The following ARHGAP39 variants were observed in gnomAD, a reference collection of about 807,000 sequenced individuals.
The protein encoded by ARHGAP39 is Rho GTPase activating protein 39.
A neutral mutation model predicts 106.9 loss-of-function variants in ARHGAP39; 44 were observed. That is an observed-to-expected ratio of 0.41 (90% CI 0.32 to 0.53). ARHGAP39 has a LOEUF of 0.53. Among genes scored for constraint, ARHGAP39 ranks in the 20% least tolerant of loss-of-function variants. ARHGAP39 has a pLI of 0.21. For missense variants in ARHGAP39, 1,496 were observed against 1,577.3 expected, an observed-to-expected ratio of 0.95 and a Z score of 0.87; for synonymous variants, 768 against 693.2, an observed-to-expected ratio of 1.11 and a Z score of -1.69.
chr8:144,580,971 G>C lies in ARHGAP39; in HGVS notation c.387C>G (p.Ser129Arg). The change falls in exon 3 of 12, where the codon AGC becomes AGG. Residue 129 changes from serine to arginine, a missense_variant. By Grantham distance (110) the Ser-to-Arg change is moderately radical (BLOSUM62 -1). Coordinates refer to ENST00000377307, the MANE Select transcript of ARHGAP39 (RefSeq NM_025251.3). ...SAESSPGRGS[S>R]VSREGSTSSS... ...AGCTGGTGCTGCCCTCACGGCTGAC[G>C]CTGCTGCCGCGCCCGGGGCTGCTCT... The C allele has an allele frequency of 6.2e-7, 1 of 1,600,398 alleles. No homozygotes were observed.
chr8:144,577,858 A>G (rs1306810534), intron 3 of ARHGAP39, among the ~76,000 whole-genome samples: 1 of 152,240 alleles, frequency 6.6e-6, no homozygotes, highest in Admixed American at 6.5e-5. Flanking sequence ...AAACACTGCT[A>G]AGAAAAATCA....
At chr8:144,602,347 A>G (rs1208706318) in intron 2 of ARHGAP39, among the ~76,000 whole-genome samples, 2,213 of 26,556 alleles carry the variant, frequency 0.083, no homozygotes, top group Middle Eastern at 0.13. Flanking sequence ...GTGTACCTGT[A>G]TGCATGTGCA....
chr8:144,562,588 ACACTCCAGTGGTTTCCATCGGACT>A (rs1564849613), intron 3 of ARHGAP39, among the ~76,000 whole-genome samples: 52 of 123,486 alleles, frequency 4.2e-4, no homozygotes, highest in African/African-American at 1.7e-3. Flanking sequence ...GGTTTCCATT[ACACTCCAGTGGTTTCCATCGGACT>A]CACTCCAGTG....
At chr8:144,666,144 G>T (rs1821957462) in intron 1 of ARHGAP39, among the ~76,000 whole-genome samples, 3 of 152,178 alleles carry the variant, frequency 2.0e-5, no homozygotes, top group Admixed American at 2.0e-4. Flanking sequence ...TTTTGAACTT[G>T]CAAGGGGCCT....
chr8:144,694,588 A>T, the ARHGAP39 span, among the ~76,000 whole-genome samples: 2 of 152,210 alleles, frequency 1.3e-5, no homozygotes, highest in South Asian at 4.1e-4. Context: ...TGCGGTAGTA[A>T]CAACTCCCAG....
chr8:144,629,408 G>A (rs1374781378), intron 1 of ARHGAP39, among the ~76,000 whole-genome samples: 1 of 152,186 alleles, frequency 6.6e-6, no homozygotes, highest in Non-Finnish European at 1.5e-5. Flanking sequence ...GAGCACGGCT[G>A]TGAGACCTCC....
intron 1 of ARHGAP39, among the ~76,000 whole-genome samples, chr8:144,608,954 CA>C (rs1391321621): frequency 2.6e-5 from 4 of 152,084 alleles, no homozygotes. Context: ...AATTGTTTTT[CA>C]CAGATTTATT....
intron 6 of ARHGAP39, among the ~76,000 whole-genome samples, chr8:144,539,005 C>T (rs1047342903): frequency 6.6e-6 from 1 of 152,114 alleles, no homozygotes; most frequent in African/African-American, 2.4e-5. Context: ...TCACCCCCAC[C>T]TCCGGCACTT....
intron 1 of ARHGAP39, among the ~76,000 whole-genome samples, chr8:144,682,879 T>TCA (rs1474490567): frequency 6.6e-6 from 1 of 151,884 alleles, no homozygotes; most frequent in Non-Finnish European, 1.5e-5. Flanking sequence ...TAGCCAGGTG[T>TCA]GGTGACACAC....
chr8:144,600,927 T>G (rs1048613404), intron 2 of ARHGAP39, among the ~76,000 whole-genome samples: 1 of 135,726 alleles, frequency 7.4e-6, no homozygotes, highest in Non-Finnish European at 1.5e-5. Context: ...CATGTACCTG[T>G]GTGTGTGTGG....
chr8:144,680,403 C>T (rs1195386559), intron 1 of ARHGAP39, among the ~76,000 whole-genome samples: 2 of 152,184 alleles, frequency 1.3e-5, no homozygotes, highest in Non-Finnish European at 2.9e-5. Flanking sequence ...AATAAGCAGG[C>T]GCAGCTGTTG....
At chr8:144,618,938 G>A (rs1457296557) in intron 1 of ARHGAP39, among the ~76,000 whole-genome samples, 4 of 152,250 alleles carry the variant, frequency 2.6e-5, no homozygotes, top group Non-Finnish European at 5.9e-5. Flanking sequence ...CTATGAGGCA[G>A]GTGTGCTCCG....
intron 1 of ARHGAP39, chr8:144,683,275 A>G (rs892654230): frequency 1.3e-5 from 2 of 151,242 alleles, no homozygotes; most frequent in African/African-American, 4.9e-5. Context: ...AGATAGTGCC[A>G]CTGCACTCTA....
At chr8:144,696,005 G>C in the ARHGAP39 span, among the ~76,000 whole-genome samples, 4 of 152,276 alleles carry the variant, frequency 2.6e-5, no homozygotes, top group African/African-American at 9.6e-5. Flanking sequence ...TGGAACCAAG[G>C]CTAGGTGATT....
intron 1 of ARHGAP39, among the ~76,000 whole-genome samples, chr8:144,642,189 A>G (rs866812259): frequency 6.6e-6 from 1 of 152,284 alleles, no homozygotes; most frequent in Non-Finnish European, 1.5e-5. Flanking sequence ...CAAAACAAAC[A>G]AAGATAAAAA....
chr8:144,695,865 A>G, the ARHGAP39 span, among the ~76,000 whole-genome samples: 4 of 152,216 alleles, frequency 2.6e-5, no homozygotes, highest in Non-Finnish European at 1.5e-5. Flanking sequence ...ACAGTATCTT[A>G]TCAATTAATT....
At chr8:144,682,133 G>A (rs1054259564) in intron 1 of ARHGAP39, among the ~76,000 whole-genome samples, 1 of 149,956 alleles carries the variant, frequency 6.7e-6, no homozygotes, top group African/African-American at 2.5e-5. Context: ...GCCGGGCGTG[G>A]TGGCGGGAGG....
At position 144,533,118 on chromosome 8, in the gene ARHGAP39, C is replaced by T. The variant is rs41286685; in HGVS notation, c.2888+8G>A. ...CCCCACACCCGGCGCCCGGGGTTGC[C>T]GTGGCACCTGAAGATGCCCTCTGTC... On this transcript the variant is annotated splice_region_variant and intron_variant, in intron 9 of 11. Coordinates refer to ENST00000377307, the MANE Select transcript of ARHGAP39 (RefSeq NM_025251.3). 0.021 allele frequency: 33,283 copies of T among 1,594,354 alleles called. 435 individuals are homozygous for T. Among genetic ancestry groups the T allele is most frequent in the Non-Finnish European group, 0.024 (28,627 of 1,171,184 alleles).
chr8:144,563,409 T>C (rs1818277040), intron 3 of ARHGAP39, among the ~76,000 whole-genome samples: 1 of 152,146 alleles, frequency 6.6e-6, no homozygotes, highest in African/African-American at 2.4e-5. Flanking sequence ...CAAAGTTTTA[T>C]TGTCATTTTT....
Sources: gnomAD v4.1 joint callset for allele counts (sites outside exome capture counted in the v4.1 genomes callset) on GRCh38, gnomAD v4.1.1 for gene constraint, MANE v1.5 for transcripts, NCBI Gene and HGNC (gene_info 2026-07-23, HGNC 2026-07-21) for gene names.